The following GK variants were observed in gnomAD, a reference collection of about 807,000 sequenced individuals.
The protein encoded by GK is ATP:glycerol 3-phosphotransferase.
In GK, 9 loss-of-function variants were observed where a neutral mutation model predicts 56.4. The observed-to-expected ratio is 0.16, with a 90% CI of 0.10 to 0.28. The LOEUF (loss-of-function observed/expected upper bound fraction) is 0.28. Among genes scored for constraint, GK ranks in the 10% least tolerant of loss-of-function variants. The pLI is 1.00. For missense variants in GK, 161 were observed against 431.4 expected (o/e 0.37, Z 5.55); for synonymous variants, 104 against 144.1 (o/e 0.72, Z 1.99).
chrX:30,676,844 A>G (rs1383253193), intron 3 of GK, among the ~76,000 whole-genome samples: 1 of 111,887 alleles, frequency 8.9e-6, no homozygotes, highest in African/African-American at 3.2e-5. Context: ...TTAAAAATAC[A>G]GGAATAAAAC....
intron 1 of GK, among the ~76,000 whole-genome samples, chrX:30,655,587 T>C (rs1932207164): frequency 8.9e-6 from 1 of 112,651 alleles, no homozygotes; most frequent in Non-Finnish European, 1.9e-5. Context: ...AAACCAAGCA[T>C]GGCAGATGTT....
intron 11 of GK, among the ~76,000 whole-genome samples, chrX:30,704,146 A>ATATATATATATATG (rs1935856843): frequency 1.0e-5 from 1 of 97,828 alleles, no homozygotes; most frequent in African/African-American, 4.2e-5. Context: ...ATATATATAT[A>ATATATATATATATG]TATGAGATAG....
At chrX:30,693,105 C>T (rs928297891) in intron 5 of GK, among the ~76,000 whole-genome samples, 2 of 104,496 alleles carry the variant, frequency 1.9e-5, no homozygotes, top group Non-Finnish European at 3.9e-5. Flanking sequence ...CAAGCTCCGC[C>T]TCCCGGGTTC....
chrX:30,728,433 T>C (rs1187929849), intron 20 of GK, among the ~76,000 whole-genome samples: 1 of 112,081 alleles, frequency 8.9e-6, no homozygotes, highest in Non-Finnish European at 1.9e-5. Context: ...ATGGGCTATG[T>C]GTCTAGAGTC....
At chrX:30,708,603 T>C (rs936308321) in intron 13 of GK, among the ~76,000 whole-genome samples, 2 of 111,299 alleles carry the variant, frequency 1.8e-5, no homozygotes, top group African/African-American at 6.5e-5. Context: ...GAAAAGAAAG[T>C]GAGGAGATTT....
intron 5 of GK, among the ~76,000 whole-genome samples, chrX:30,692,340 A>G (rs1185225411): frequency 9.0e-6 from 1 of 111,640 alleles, no homozygotes; most frequent in Non-Finnish European, 1.9e-5. Context: ...CATTTTAGGC[A>G]ACTTTTACAC....
At chrX:30,728,408 T>C (rs1170941785) in intron 20 of GK, among the ~76,000 whole-genome samples, 1 of 111,665 alleles carries the variant, frequency 9.0e-6, no homozygotes, top group Non-Finnish European at 1.9e-5. Context: ...AGGTTGCATC[T>C]CTCTAAGCTA....
chrX:30,696,759 T>C (rs748960648), intron 8 of GK, 76 bp downstream of exon 8: 17 of 768,919 alleles, frequency 2.2e-5, no homozygotes, highest in Non-Finnish European at 3.9e-6. Context: ...ATAATTAAAG[T>C]TTTTTTATTA....
intron 13 of GK, among the ~76,000 whole-genome samples, chrX:30,717,704 C>T (rs988685439): frequency 1.8e-5 from 2 of 112,046 alleles, no homozygotes; most frequent in African/African-American, 3.2e-5. Context: ...AGACATACTG[C>T]GTTTTATCTA....
chrX:30,724,608 G>C, intron 19 of GK: 1 of 313,300 alleles, frequency 3.2e-6, no homozygotes, highest in Non-Finnish European at 6.1e-6. Context: ...TACTTCCTAG[G>C]CTGATTCCAA....
In GK at chrX:30,726,072, A is replaced by G. The variant is rs193001704; in HGVS notation, c.1583-1394A>G. On this transcript the variant is annotated intron_variant, in intron 19 of 20. Coordinates refer to ENST00000427190, the MANE Select transcript of GK (RefSeq NM_001205019.2). ...ATTTTAACTGCAAAATTCCCACAAA[A>G]TCAACTGATCATTTTTCCCTTGTTT... Among the ~76,000 whole-genome samples, 74 of 111,376 alleles carry G rather than the reference A, an allele frequency of 6.6e-4. No homozygotes were observed. The East Asian group carries it at 0.013, about 19-fold the overall frequency.
intron 5 of GK, among the ~76,000 whole-genome samples, chrX:30,692,359 C>T (rs781491166): frequency 8.9e-6 from 1 of 111,818 alleles, no homozygotes; most frequent in South Asian, 3.7e-4. Flanking sequence ...ACTTTCTACC[C>T]CCATGATGAA....
intron 4 of GK, among the ~76,000 whole-genome samples, chrX:30,686,135 G>A (rs1044043594): frequency 1.1e-4 from 12 of 112,434 alleles, no homozygotes; most frequent in African/African-American, 3.5e-4. Context: ...TTCAGCCCCC[G>A]CCTTTTGGCA....
At chrX:30,701,028 T>G (rs1288715835) in intron 11 of GK, 123 bp downstream of exon 11, 15 of 514,915 alleles carry the variant, frequency 2.9e-5, no homozygotes, top group Non-Finnish European at 1.1e-5. Context: ...AGCTCCAATA[T>G]GCATATATAC....
intron 4 of GK, among the ~76,000 whole-genome samples, chrX:30,684,642 G>C (rs1378862917): frequency 1.2e-5 from 1 of 86,738 alleles, no homozygotes; most frequent in Non-Finnish European, 2.2e-5. Context: ...CTCCAGCCTG[G>C]GCAACAAGAG....
chrX:30,724,245 C>A, intron 19 of GK, 64 bp downstream of exon 19: 1 of 688,464 alleles, frequency 1.5e-6, no homozygotes. Context: ...ATTTAAGTAT[C>A]TAGGCATTTA....
chrX:30,673,171 G>A (rs1933656349), intron 3 of GK, among the ~76,000 whole-genome samples: 1 of 112,060 alleles, frequency 8.9e-6, no homozygotes, highest in African/African-American at 3.2e-5. Flanking sequence ...ATTCAGTGTA[G>A]AGAAAAGTGC....
chrX:30,704,577 CTT>C (rs35183149), intron 11 of GK, among the ~76,000 whole-genome samples: 3 of 99,703 alleles, frequency 3.0e-5, no homozygotes, highest in African/African-American at 7.3e-5. Flanking sequence ...CGTTTGGTGA[CTT>C]TTTTTTTTTT....
intron 12 of GK, among the ~76,000 whole-genome samples, 189 bp downstream of exon 12, chrX:30,707,787 A>G (rs1312118646): frequency 8.9e-6 from 1 of 111,898 alleles, no homozygotes; most frequent in Non-Finnish European, 1.9e-5. Context: ...TGAATTTTAT[A>G]TGTGTGTTTT....
Sources: gnomAD v4.1 joint callset for allele counts (sites outside exome capture counted in the v4.1 genomes callset) on GRCh38, gnomAD v4.1.1 for gene constraint, MANE v1.5 for transcripts, NCBI Gene and HGNC (gene_info 2026-07-23, HGNC 2026-07-21) for gene names.